The following ADGRL3 variants were observed in gnomAD, a reference collection of about 807,000 sequenced individuals.
ADGRL3 encodes adhesion G protein-coupled receptor L3, also known as calcium-independent alpha-latrotoxin receptor 3.
A neutral mutation model predicts 153.5 loss-of-function variants in ADGRL3; 62 were observed. The ratio of observed to expected loss-of-function variants is 0.40; its 90% CI spans 0.33 to 0.50. The LOEUF (loss-of-function observed/expected upper bound fraction) is 0.50, where lower values mean the gene tolerates loss of function less well. Among genes scored for constraint, ADGRL3 ranks in the 20% least tolerant of loss-of-function variants. The pLI, the probability that ADGRL3 is intolerant of heterozygous loss-of-function variation, is 0.47. For missense variants in ADGRL3, 1,641 were observed against 1,859.4 expected (o/e 0.88, Z 2.16); for synonymous variants, 710 against 672.5 (o/e 1.06, Z -0.86).
intron 5 of ADGRL3, among the ~76,000 whole-genome samples, chr4:61,659,229 A>G (rs2094524348): frequency 6.6e-6 from 1 of 152,130 alleles, no homozygotes. Flanking sequence ...CATCTGCAAC[A>G]AGTTTATTTC....
chr4:61,336,010 A>G (rs1336545344), intron 1 of ADGRL3, among the ~76,000 whole-genome samples: 1 of 152,204 alleles, frequency 6.6e-6, no homozygotes, highest in Non-Finnish European at 1.5e-5. Context: ...TATTGTAAAC[A>G]TGTTGATAAA....
Position 62,070,845 on chromosome 4 carries a change from C to T in ADGRL3, c.4569C>T (p.Asn1523=), listed in dbSNP as rs1745431214. 1 of 1,551,594 alleles carries T rather than the reference C, an allele frequency of 6.4e-7. No individual in the cohort carries two copies. Among genetic ancestry groups the T allele is most frequent in the Non-Finnish European group, 8.7e-7 (1 of 1,146,972 alleles). ...GTGATGGATTTATAGTTCCTCCAAA[C>T]AAAGATGGGACCCCTCCCGAGGGAA... ...GSSDGFIVPP[N]KDGTPPEGSS... The change falls in exon 27 of 27, where the codon AAC becomes AAT. Residue 1523 remains asparagine, a synonymous_variant. Transcript: ENST00000683033.
intron 16 of ADGRL3, among the ~76,000 whole-genome samples, chr4:61,947,674 T>C (rs765273859): frequency 1.3e-5 from 2 of 152,200 alleles, no homozygotes; most frequent in Non-Finnish European, 2.9e-5. Flanking sequence ...GATGGTTCTA[T>C]ATTTGATATT....
chr4:61,680,060 T>A (rs2095300407), intron 6 of ADGRL3, among the ~76,000 whole-genome samples: 1 of 152,046 alleles, frequency 6.6e-6, no homozygotes, highest in Non-Finnish European at 1.5e-5. Flanking sequence ...ACCATGAAAA[T>A]ACTACTTGCA....
intron 6 of ADGRL3, among the ~76,000 whole-genome samples, chr4:61,721,965 T>C (rs1211721574): frequency 6.6e-6 from 1 of 152,172 alleles, no homozygotes; most frequent in African/African-American, 2.4e-5. Flanking sequence ...TCTGAAATTA[T>C]ATAAAAATAT....
chr4:61,925,954 A>AT (rs2098792559), intron 13 of ADGRL3, among the ~76,000 whole-genome samples: 1 of 152,188 alleles, frequency 6.6e-6, no homozygotes, highest in Non-Finnish European at 1.5e-5. Flanking sequence ...TTTTGTTGTC[A>AT]TGCAAACATC....
At chr4:61,938,712 A>C (rs549456050) in intron 15 of ADGRL3, among the ~76,000 whole-genome samples, 1 of 151,802 alleles carries the variant, frequency 6.6e-6, no homozygotes, top group African/African-American at 2.4e-5. Flanking sequence ...AGGCTTCTGC[A>C]TCTGATTGGA....
chr4:61,606,503 C>G (rs993902846), intron 5 of ADGRL3, among the ~76,000 whole-genome samples: 5 of 152,176 alleles, frequency 3.3e-5, no homozygotes, highest in South Asian at 4.1e-4. Flanking sequence ...TGTGTCCTTA[C>G]TTGGCCTTTT....
chr4:61,387,291 G>A (rs931582634), intron 2 of ADGRL3, among the ~76,000 whole-genome samples: 1 of 152,166 alleles, frequency 6.6e-6, no homozygotes. Context: ...CAAGATCACA[G>A]GACCACAGGA....
chr4:61,358,165 T>G (rs1363316265), intron 1 of ADGRL3, among the ~76,000 whole-genome samples: 1 of 152,196 alleles, frequency 6.6e-6, no homozygotes, highest in South Asian at 2.1e-4. Context: ...CAGTTCCCAT[T>G]TTACTTTATT....
At chr4:61,607,700 A>G (rs2099038020) in intron 5 of ADGRL3, among the ~76,000 whole-genome samples, 2 of 152,212 alleles carry the variant, frequency 1.3e-5, no homozygotes, top group Admixed American at 1.3e-4. Context: ...ACTCCTGAGC[A>G]GTAAAGAATT....
chr4:61,439,560 C>T (rs555668129), intron 2 of ADGRL3, among the ~76,000 whole-genome samples: 1 of 152,222 alleles, frequency 6.6e-6, no homozygotes, highest in South Asian at 2.1e-4. Flanking sequence ...ACCCATCAAC[C>T]CGTCACCTAT....
At chr4:61,621,316 A>G (rs1435033953) in intron 5 of ADGRL3, among the ~76,000 whole-genome samples, 1 of 152,050 alleles carries the variant, frequency 6.6e-6, no homozygotes, top group African/African-American at 2.4e-5. Context: ...TTTTGTCTTG[A>G]TTTTAAGCAG....
intron 8 of ADGRL3, among the ~76,000 whole-genome samples, chr4:61,766,046 A>G (rs1176266965): frequency 3.3e-5 from 5 of 152,154 alleles, no homozygotes; most frequent in Non-Finnish European, 2.9e-5. Flanking sequence ...ACTGCCATCA[A>G]TAAATCAAGC....
intron 6 of ADGRL3, among the ~76,000 whole-genome samples, chr4:61,686,430 C>T (rs1347331134): frequency 1.3e-5 from 2 of 151,988 alleles, no homozygotes; most frequent in Non-Finnish European, 2.9e-5. Context: ...AATCATGAAT[C>T]TTATGAAACT....
At chr4:62,034,283 C>T (rs914440933) in intron 23 of ADGRL3, among the ~76,000 whole-genome samples, 4 of 151,564 alleles carry the variant, frequency 2.6e-5, no homozygotes, top group Non-Finnish European at 4.4e-5. Flanking sequence ...AGTATATACA[C>T]CCTATCCTTA....
intron 2 of ADGRL3, among the ~76,000 whole-genome samples, chr4:61,480,893 G>A (rs184169874): frequency 2.6e-5 from 4 of 152,120 alleles, no homozygotes; most frequent in East Asian, 3.9e-4. Flanking sequence ...TATATGAAAC[G>A]GTGCTCAACA....
At chr4:61,376,622 G>A (rs957135731) in intron 1 of ADGRL3, among the ~76,000 whole-genome samples, 5 of 152,140 alleles carry the variant, frequency 3.3e-5, no homozygotes, top group African/African-American at 4.8e-5. Flanking sequence ...GTACTGAATC[G>A]TTTTCTAGAT....
At chr4:61,610,193 A>G (rs1296744419) in intron 5 of ADGRL3, among the ~76,000 whole-genome samples, 2 of 151,762 alleles carry the variant, frequency 1.3e-5, no homozygotes, top group Non-Finnish European at 2.9e-5. Context: ...TTTCTAATGC[A>G]AGGGAATCTA....
Sources: gnomAD v4.1 joint callset for allele counts (sites outside exome capture counted in the v4.1 genomes callset) on GRCh38, gnomAD v4.1.1 for gene constraint, MANE v1.5 for transcripts, NCBI Gene and HGNC (gene_info 2026-07-23, HGNC 2026-07-21) for gene names.